Variants in CPN2 observed in about 807,000 individuals in gnomAD.
CPN2 encodes the protein carboxypeptidase N subunit 2.
For missense variants in CPN2, 620 were observed against 671.4 expected, an observed-to-expected ratio of 0.92 and a Z score of 0.85; for synonymous variants, 336 against 318.4, an observed-to-expected ratio of 1.06 and a Z score of -0.59.
chr3:194,349,775 CTTCTTTTTTTTTTTTTT>C (rs1713195716), intron 1 of CPN2, among the ~76,000 whole-genome samples: 4 of 83,782 alleles, frequency 4.8e-5, no homozygotes, highest in African/African-American at 1.8e-4. Flanking sequence ...TGACTACCCT[CTTCTTTTTTTTTTTTTT>C]TTTTTTTTTT....
At chr3:194,349,787 T>C (rs1459701117) in intron 1 of CPN2, among the ~76,000 whole-genome samples, 2 of 16,308 alleles carry the variant, frequency 1.2e-4, no homozygotes, top group African/African-American at 7.7e-4. Context: ...TCTTTTTTTT[T>C]TTTTTTTTTT....
intron 1 of CPN2, among the ~76,000 whole-genome samples, chr3:194,347,111 GCTC>G (rs1207403586): frequency 6.6e-6 from 1 of 152,096 alleles, no homozygotes; most frequent in Admixed American, 6.5e-5. Flanking sequence ...GAGGTTTTCT[GCTC>G]CTCATCTGGG....
At chr3:194,347,148 A>G (rs9829558) in intron 1 of CPN2, among the ~76,000 whole-genome samples, 34,314 of 151,884 alleles carry the variant, frequency 0.23, 4,488 homozygotes, top group Non-Finnish European at 0.31. Context: ...AATGCCCACA[A>G]ATATGTTCCA....
At chr3:194,345,705 C>A (rs1453049546) in intron 1 of CPN2, among the ~76,000 whole-genome samples, 1 of 152,192 alleles carries the variant, frequency 6.6e-6, no homozygotes, top group East Asian at 1.9e-4. Flanking sequence ...CAGGGCTTGG[C>A]TTGTGGAGCC....
At chr3:194,346,371 A>G (rs2108649534) in intron 1 of CPN2, among the ~76,000 whole-genome samples, 1 of 152,238 alleles carries the variant, frequency 6.6e-6, no homozygotes, top group Non-Finnish European at 1.5e-5. Flanking sequence ...CTGGGGGAGG[A>G]GGGCCAGAAC....
In CPN2 at chr3:194,341,032, G is replaced by A; in HGVS notation, c.*33C>T. The A allele has an allele frequency of 6.4e-7, 1 of 1,552,772 alleles. No individual in the cohort carries two copies. The highest frequency in any genetic ancestry group is 8.7e-7 in the Non-Finnish European group (1 of 1,147,930). ...ACCTGTCGCCTGGTCAGGCCCCAGA[G>A]GCCCCCTTCCCCAGCTCCTGTATGC... On this transcript the variant is annotated 3_prime_UTR_variant, in exon 2 of 2. Transcript: ENST00000323830.
chr3:194,345,269 A>T (rs1713004345), intron 1 of CPN2, among the ~76,000 whole-genome samples: 1 of 152,210 alleles, frequency 6.6e-6, no homozygotes, highest in African/African-American at 2.4e-5. Flanking sequence ...AATGACCCCC[A>T]GCCAGGCTGC....
In CPN2 at chr3:194,341,915, G is replaced by A. The variant is rs1327499117; in HGVS notation, c.788C>T (p.Ser263Phe). The A allele has an allele frequency of 2.5e-6, 4 of 1,614,098 alleles. No individual in the cohort carries two copies. The African/African-American group carries it at 5.3e-5, about 22-fold the overall frequency. Residue 263 changes from serine to phenylalanine, a missense_variant, in exon 2 of 2, where the codon TCC (serine) becomes TTC (phenylalanine). Coordinates refer to ENST00000323830, the MANE Select transcript of CPN2 (RefSeq NM_001080513.4). ...GCTCAGAAAGGTCAGATTACCCAGG[G>A]AGGCAAAGATGGAGAGCGGCAGGTG... Reference protein sequence around the residue: ...ITHLPLSIFASLGNLTFLSLQ... With the variant: ...ITHLPLSIFAFLGNLTFLSLQ...
intron 1 of CPN2, among the ~76,000 whole-genome samples, chr3:194,350,670 T>A (rs1373021076): frequency 2.0e-5 from 3 of 152,080 alleles, no homozygotes; most frequent in Non-Finnish European, 4.4e-5. Flanking sequence ...CCAGCACGCT[T>A]CTGGGAAGGA....
chr3:194,349,927 G>A (rs902537428), intron 1 of CPN2, among the ~76,000 whole-genome samples: 18 of 150,854 alleles, frequency 1.2e-4, no homozygotes, highest in African/African-American at 3.2e-4. Flanking sequence ...TCAGCCTCCC[G>A]AGTAGTTGGG....
At position 194,341,125 on chromosome 3, in the gene CPN2, C is replaced by T. The variant is rs752296257; in HGVS notation, c.1578G>A (p.Arg526=). Reference sequence around the variant, plus strand: ...TGAGCCGCAGAGAACCGCAGCTCGACCTCAGGTCCCACTCCTGACTAGCAT... The same window carrying T: ...TGAGCCGCAGAGAACCGCAGCTCGATCTCAGGTCCCACTCCTGACTAGCAT... The part of the protein sequence containing the change: ...QYNASQEWDL[R]SSCGSLRLTV... Residue 526 remains arginine, a synonymous_variant, in exon 2 of 2, where the codon AGG becomes AGA. Transcript: ENST00000323830. 3 of 1,612,888 alleles carry T rather than the reference C, an allele frequency of 1.9e-6. No individual in the cohort carries two copies. The highest frequency in any genetic ancestry group is 2.5e-6 in the Non-Finnish European group (3 of 1,179,572).
At chr3:194,347,166 G>C (rs1364455751) in intron 1 of CPN2, among the ~76,000 whole-genome samples, 1 of 151,750 alleles carries the variant, frequency 6.6e-6, no homozygotes, top group Non-Finnish European at 1.5e-5. Flanking sequence ...CCACACTTTC[G>C]GCAAGCCAAG....
Position 194,341,508 on chromosome 3 carries a change from A to G in CPN2, c.1195T>C (p.Cys399Arg), listed in dbSNP as rs1179132966. 6.2e-7 allele frequency: 1 copy of G among 1,614,184 alleles called. No individual in the cohort carries two copies. The highest frequency in any genetic ancestry group is 8.5e-7 in the Non-Finnish European group (1 of 1,180,038). The change falls in exon 2 of 2, where the codon TGC becomes CGC. Residue 399 changes from cysteine (C) to arginine (R), a missense_variant. Transcript: ENST00000323830. ...NLALHGNPWQ[C>R]DCHLAYLFNW... Reference sequence around the variant, plus strand: ...AAGAGGTAGGCCAGGTGGCAGTCGCACTGCCAGGGGTTACCGTGCAGGGCC... The same window carrying G: ...AAGAGGTAGGCCAGGTGGCAGTCGCGCTGCCAGGGGTTACCGTGCAGGGCC...
At position 194,342,367 on chromosome 3, in the gene CPN2, G is replaced by A. The variant is rs3732475; in HGVS notation, c.336C>T (p.Leu112=). ...TCAGGTTGGAGAAGATGTTGGTGCT[G>A]AGGTTCAAGAAGCTACTGCCTGTGA... ...LEVTGSSFLN[L]STNIFSNLTS... Residue 112 remains leucine, a synonymous_variant, in exon 2 of 2, where the codon CTC becomes CTT. Coordinates refer to ENST00000323830, the MANE Select transcript of CPN2 (RefSeq NM_001080513.4). 5.0e-6 allele frequency: 8 copies of A among 1,614,160 alleles called. No individual in the cohort carries two copies. In the East Asian group the frequency reaches 1.3e-4, roughly 27 times the overall value.
chr3:194,345,056 C>A (rs1455369681), intron 1 of CPN2, among the ~76,000 whole-genome samples: 3 of 152,206 alleles, frequency 2.0e-5, no homozygotes, highest in Non-Finnish European at 4.4e-5. Flanking sequence ...CCTGGAGGTA[C>A]ATGTCTCCAC....
At position 194,341,405 on chromosome 3, in the gene CPN2, TG is replaced by T; in HGVS notation, c.1297del (p.Gln433ArgfsTer6). ...CTTCTCATTCAAGGCGGGCACCACC[TG>T]GCCTTTGAGGTAGGCAGGGCCAGCG... ...YCAGPAYLKGQVVPALNEKQL... is the reference protein window; with the variant it reads ...YCAGPAYLKGXVVPALNEKQL... On this transcript the variant is annotated frameshift_variant, in exon 2 of 2. Transcript: ENST00000323830. LOFTEE classifies it low-confidence loss of function (END_TRUNC). 1 of 1,614,150 alleles carries T rather than the reference TG, an allele frequency of 6.2e-7. No individual in the cohort carries two copies. The highest frequency in any genetic ancestry group is 2.2e-5 in the East Asian group (1 of 44,884).
intron 1 of CPN2, among the ~76,000 whole-genome samples, chr3:194,349,189 C>T (rs1004188075): frequency 2.6e-4 from 40 of 152,064 alleles, no homozygotes. Context: ...GATGAAACCC[C>T]GTCTCTACCA....
chr3:194,340,859 A>G lies in CPN2; in HGVS notation c.*206T>C. On this transcript the variant is annotated 3_prime_UTR_variant, in exon 2 of 2. Coordinates refer to ENST00000323830, the MANE Select transcript of CPN2 (RefSeq NM_001080513.4). ...CATAAGGATGGCCTTGTTAGGCCGC[A>G]CACTCCAGGAGAAGCGATGAAGGAA... The G allele has an allele frequency of 1.3e-6, 1 of 753,706 alleles. No individual in the cohort carries two copies. The highest frequency in any genetic ancestry group is 1.7e-5 in the African/African-American group (1 of 57,276). The allele number at this position is 753,706 out of a possible 1,614,324, so 46.7% of individuals were successfully genotyped here. A position where few individuals can be genotyped will look rare whatever the true frequency, so the allele number is the denominator to read the frequency against.
At chr3:194,344,978 C>T (rs1712994687) in intron 1 of CPN2, among the ~76,000 whole-genome samples, 1 of 152,152 alleles carries the variant, frequency 6.6e-6, no homozygotes, top group South Asian at 2.1e-4. Flanking sequence ...CCTGGCCTGC[C>T]CCTGAGGCAC....
Sources: gnomAD v4.1 joint callset for allele counts (sites outside exome capture counted in the v4.1 genomes callset) on GRCh38, gnomAD v4.1.1 for gene constraint, MANE v1.5 for transcripts, NCBI Gene and HGNC (gene_info 2026-07-23, HGNC 2026-07-21) for gene names.